Variants in RRAS2 observed in about 807,000 individuals in gnomAD.
RRAS2 encodes ras-related protein R-Ras2.
Under a neutral mutation model 27.6 loss-of-function variants are expected in RRAS2, and 7 were observed. The ratio of observed to expected loss-of-function variants is 0.25; its 90% confidence interval spans 0.14 to 0.48. RRAS2 has a LOEUF of 0.48. Ranked by LOEUF, RRAS2 falls within the 20% of genes least tolerant of loss-of-function variation. The pLI is 0.99. For missense variants in RRAS2, 178 were observed against 256.2 expected (o/e 0.69, Z 2.08); for synonymous variants, 86 against 90.9 (o/e 0.95, Z 0.31).
At chr11:14,302,537 C>G (rs1847742977) in intron 1 of RRAS2, among the ~76,000 whole-genome samples, 1 of 152,154 alleles carries the variant, frequency 6.6e-6, no homozygotes, top group Admixed American at 6.5e-5. Flanking sequence ...AGGGCAAGAA[C>G]AGCTAGTTTA....
At chr11:14,282,843 A>T (rs1221123190) in intron 4 of RRAS2, among the ~76,000 whole-genome samples, 2 of 152,142 alleles carry the variant, frequency 1.3e-5, no homozygotes, top group Non-Finnish European at 2.9e-5. Context: ...TTCCACAGGC[A>T]TTTCTACATA....
chr11:14,281,358 C>G (rs973427112), intron 5 of RRAS2, among the ~76,000 whole-genome samples: 23 of 152,216 alleles, frequency 1.5e-4, no homozygotes, highest in Admixed American at 2.0e-4. Context: ...GCTGTCATCA[C>G]TATCTTCACA....
intron 1 of RRAS2, among the ~76,000 whole-genome samples, chr11:14,347,340 C>CAGA (rs782433338): frequency 6.6e-6 from 1 of 152,028 alleles, no homozygotes; most frequent in Admixed American, 6.5e-5. Context: ...AAACAGAATG[C>CAGA]AGAAGATTTT....
At chr11:14,363,871 G>A (rs1048547133), upstream of RRAS2, among the ~76,000 whole-genome samples, 1 of 151,790 alleles carries the variant, frequency 6.6e-6, no homozygotes. Flanking sequence ...GGGAGTTTGA[G>A]ACCAGCCTGA....
At chr11:14,282,558 T>C (rs782231629) in intron 4 of RRAS2, among the ~76,000 whole-genome samples, 5 of 152,200 alleles carry the variant, frequency 3.3e-5, no homozygotes, top group Non-Finnish European at 7.3e-5. Flanking sequence ...TTTACATTTA[T>C]ATAGTGGGGC....
upstream of RRAS2, among the ~76,000 whole-genome samples, chr11:14,360,008 C>A (rs1213936491): frequency 1.3e-5 from 2 of 152,150 alleles, no homozygotes; most frequent in Non-Finnish European, 2.9e-5. Flanking sequence ...CAGTAGAATG[C>A]AGCAGAAGAG....
At chr11:14,333,511 T>C (rs1280649915) in intron 1 of RRAS2, among the ~76,000 whole-genome samples, 2 of 152,200 alleles carry the variant, frequency 1.3e-5, no homozygotes, top group Non-Finnish European at 2.9e-5. Context: ...AAATCATCCA[T>C]AATTCCACCA....
At chr11:14,328,159 G>A (rs1848404719) in intron 1 of RRAS2, among the ~76,000 whole-genome samples, 2 of 152,112 alleles carry the variant, frequency 1.3e-5, no homozygotes, top group South Asian at 4.2e-4. Context: ...CCTGAGGTCA[G>A]GAGTTCGAGA....
chr11:14,351,622 C>T (rs1311241445), intron 1 of RRAS2, among the ~76,000 whole-genome samples: 2 of 151,780 alleles, frequency 1.3e-5, no homozygotes, highest in Non-Finnish European at 2.9e-5. Flanking sequence ...CCCAGCTACT[C>T]GGGAGGCTGA....
chr11:14,353,206 A>G lies in RRAS2; in HGVS notation c.108+5557T>C, dbSNP rs888084651. ...AATGGAGCAGACTATTTTTATTCAA[A>G]GCTTAGGAAAGACCATGATATTTCA... On this transcript the variant is annotated intron_variant, in intron 1 of 5. Coordinates refer to ENST00000256196, the MANE Select transcript of RRAS2 (RefSeq NM_012250.6). Among the ~76,000 whole-genome samples the G allele has an allele frequency of 5.9e-5, 9 of 152,168 alleles. No homozygotes were observed. In the South Asian group the frequency reaches 1.9e-3, roughly 32 times the overall value.
chr11:14,352,055 A>C (rs1554954865), intron 1 of RRAS2, among the ~76,000 whole-genome samples: 1 of 152,214 alleles, frequency 6.6e-6, no homozygotes, highest in African/African-American at 2.4e-5. Flanking sequence ...AAATGTTACC[A>C]TTTGGGAAAT....
At chr11:14,339,880 G>A (rs1253917515) in intron 1 of RRAS2, among the ~76,000 whole-genome samples, 1 of 151,890 alleles carries the variant, frequency 6.6e-6, no homozygotes, top group Non-Finnish European at 1.5e-5. Flanking sequence ...TTGGGAGGCT[G>A]AGGTGGGCAG....
chr11:14,356,688 G>C (rs782712518), intron 1 of RRAS2: 6 of 427,570 alleles, frequency 1.4e-5, no homozygotes, highest in South Asian at 8.5e-5. Context: ...ATACATACCT[G>C]CTTCCTTTAC....
At chr11:14,313,249 TA>T (rs1554949085) in intron 1 of RRAS2, among the ~76,000 whole-genome samples, 1 of 152,198 alleles carries the variant, frequency 6.6e-6, no homozygotes, top group African/African-American at 2.4e-5. Context: ...AGACACAAAT[TA>T]TAGCTTGTCT....
chr11:14,319,345 CTTTTTTTTT>C (rs1156654694), intron 1 of RRAS2, among the ~76,000 whole-genome samples: 13 of 91,532 alleles, frequency 1.4e-4, no homozygotes, highest in African/African-American at 3.6e-4. Flanking sequence ...TTCCCTCTGT[CTTTTTTTTT>C]TTTTTTTTTT....
rs782306600 is a variant in RRAS2, at chr11:14,344,983, C to CTTTTTTTTTTTT, written c.108+13779_108+13780insAAAAAAAAAAAA. Among the ~76,000 whole-genome samples the CTTTTTTTTTTTT allele has an allele frequency of 1.5e-4, 12 of 78,982 alleles. 5 individuals carry two copies. Among genetic ancestry groups the CTTTTTTTTTTTT allele is most frequent in the African/African-American group, 2.9e-4 (6 of 20,740 alleles). The allele number at this position is 78,982 out of a possible 152,430, so 51.8% of individuals were successfully genotyped here. A position where few individuals can be genotyped will look rare whatever the true frequency, so the allele number is the denominator to read the frequency against. On this transcript the variant is annotated intron_variant, in intron 1 of 5. Transcript: ENST00000256196. The stretch of plus-strand genomic sequence containing the variant: ...TTTATTTCCTGTGCCCTACTCAAGA[C>CTTTTTTTTTTTT]TTTATTTTTTTTTTTTTTTTTTTTG...
At chr11:14,345,356 A>G (rs1848807872) in intron 1 of RRAS2, among the ~76,000 whole-genome samples, 1 of 152,224 alleles carries the variant, frequency 6.6e-6, no homozygotes, top group Admixed American at 6.5e-5. Flanking sequence ...TAACAAAGGT[A>G]TTCCTAGTCT....
intron 5 of RRAS2, among the ~76,000 whole-genome samples, chr11:14,280,936 C>T (rs1322453216): frequency 6.6e-6 from 1 of 152,150 alleles, no homozygotes; most frequent in Non-Finnish European, 1.5e-5. Context: ...TCAGACCTCA[C>T]CCAACACCTT....
At chr11:14,345,122 G>A (rs2134028267) in intron 1 of RRAS2, among the ~76,000 whole-genome samples, 1 of 151,820 alleles carries the variant, frequency 6.6e-6, no homozygotes, top group South Asian at 2.1e-4. Context: ...AAGTAGCTGG[G>A]ATTATTGGCG....
Sources: allele counts gnomAD v4.1 joint callset (sites outside exome capture counted in the v4.1 genomes callset), GRCh38; gene constraint gnomAD v4.1.1; transcripts MANE v1.5; gene names NCBI Gene and HGNC (gene_info 2026-07-23, HGNC 2026-07-21).